Variants in SGCZ observed in about 807,000 individuals in gnomAD.
SGCZ encodes sarcoglycan zeta, also known as zeta-sarcoglycan.
A neutral mutation model predicts 41.3 loss-of-function variants in SGCZ; 40 were observed. That is an observed-to-expected ratio of 0.97 (90% confidence interval 0.75 to 1.26). The LOEUF is 1.26. Ranked by LOEUF, SGCZ falls within the 50% of genes most tolerant of loss-of-function variation. SGCZ has a pLI of 0.00. For synonymous variants in SGCZ, 206 were observed against 137.5 expected (o/e 1.50, Z -3.49); for missense variants, 552 against 369.8 (o/e 1.49, Z -4.04).
chr8:14,667,190 A>C (rs1807937829), intron 1 of SGCZ, among the ~76,000 whole-genome samples: 1 of 152,180 alleles, frequency 6.6e-6, no homozygotes, highest in Non-Finnish European at 1.5e-5. Flanking sequence ...GGCTGAGAGT[A>C]ATGTAAAAGT....
At chr8:14,095,344 C>A (rs1335026637) in intron 7 of SGCZ, among the ~76,000 whole-genome samples, 1 of 152,164 alleles carries the variant, frequency 6.6e-6, no homozygotes, top group African/African-American at 2.4e-5. Context: ...CTGCATATGG[C>A]TAGCCAGTTT....
chr8:14,615,819 G>GA, intron 1 of SGCZ, among the ~76,000 whole-genome samples: 1 of 152,222 alleles, frequency 6.6e-6, no homozygotes, highest in East Asian at 1.9e-4. Context: ...TATAAATATT[G>GA]AACTATTACA....
chr8:14,731,381 G>T (rs766363060), intron 1 of SGCZ, among the ~76,000 whole-genome samples: 2 of 149,738 alleles, frequency 1.3e-5, no homozygotes, highest in East Asian at 2.0e-4. Flanking sequence ...ACTGGGGTCT[G>T]TCAGGGGGTG....
intron 4 of SGCZ, among the ~76,000 whole-genome samples, chr8:14,230,912 G>A (rs1438222925): frequency 1.3e-5 from 2 of 151,804 alleles, no homozygotes; most frequent in African/African-American, 4.8e-5. Flanking sequence ...AAGGAATATA[G>A]TTTCCCTTAA....
chr8:14,670,073 C>G (rs573028782), intron 1 of SGCZ, among the ~76,000 whole-genome samples: 5 of 152,250 alleles, frequency 3.3e-5, no homozygotes, highest in Admixed American at 6.5e-5. Flanking sequence ...CAAATCTATC[C>G]TTAAATTCAA....
intron 1 of SGCZ, chr8:14,879,800 TA>T (rs398067606): frequency 0.054 from 7,759 of 143,496 alleles, 219 homozygotes; most frequent in Non-Finnish European, 0.066. Flanking sequence ...TATTGTAGAT[TA>T]AAAAAAAAAA....
At chr8:14,126,356 C>G (rs965326736) in intron 5 of SGCZ, among the ~76,000 whole-genome samples, 35 of 152,134 alleles carry the variant, frequency 2.3e-4, no homozygotes, top group African/African-American at 8.4e-4. Flanking sequence ...GACATTTATT[C>G]AGCCAACAAA....
chr8:14,570,662 A>T (rs895995507), intron 1 of SGCZ, among the ~76,000 whole-genome samples: 10 of 152,222 alleles, frequency 6.6e-5, no homozygotes, highest in Non-Finnish European at 7.3e-5. Flanking sequence ...CAAGAATTTA[A>T]ATCAGAGAAC....
At chr8:14,156,043 A>G (rs1376821383) in intron 5 of SGCZ, among the ~76,000 whole-genome samples, 1 of 152,206 alleles carries the variant, frequency 6.6e-6, no homozygotes, top group Admixed American at 6.5e-5. Context: ...TCTAGTCCTG[A>G]AGCTTGCAGG....
chr8:15,051,382 A>T (rs1804507475), intron 1 of SGCZ, among the ~76,000 whole-genome samples: 1 of 152,154 alleles, frequency 6.6e-6, no homozygotes, highest in Non-Finnish European at 1.5e-5. Context: ...TATAGAATGA[A>T]TACCACAATT....
chr8:15,002,711 G>A (rs191924377), intron 1 of SGCZ, among the ~76,000 whole-genome samples: 19 of 152,214 alleles, frequency 1.2e-4, no homozygotes, highest in African/African-American at 4.1e-4. Flanking sequence ...TAGAACCACC[G>A]TCACAATAAA....
chr8:14,354,185 C>A (rs10110666), intron 2 of SGCZ, among the ~76,000 whole-genome samples: 12,432 of 151,968 alleles, frequency 0.082, 1,563 homozygotes, highest in African/African-American at 0.27. Context: ...CCAATAAACA[C>A]TGTTAAACTT....
At chr8:14,728,005 C>T (rs1203908556) in intron 1 of SGCZ, among the ~76,000 whole-genome samples, 1 of 152,104 alleles carries the variant, frequency 6.6e-6, no homozygotes, top group Non-Finnish European at 1.5e-5. Context: ...CAAAAGATTA[C>T]CTACTTGATG....
intron 2 of SGCZ, among the ~76,000 whole-genome samples, chr8:14,532,313 C>G (rs1803157141): frequency 6.6e-6 from 1 of 152,038 alleles, no homozygotes; most frequent in African/African-American, 2.4e-5. Flanking sequence ...AGTAAACCTT[C>G]CAGTAAAGCT....
chr8:14,726,322 ATC>A (rs61344955), intron 1 of SGCZ, among the ~76,000 whole-genome samples: 8,460 of 126,726 alleles, frequency 0.067, 785 homozygotes, highest in African/African-American at 0.23. Flanking sequence ...ATATATATAT[ATC>A]TATATATATA....
At chr8:14,586,782 A>G (rs1044085313) in intron 1 of SGCZ, among the ~76,000 whole-genome samples, 4 of 152,138 alleles carry the variant, frequency 2.6e-5, no homozygotes, top group African/African-American at 9.7e-5. Flanking sequence ...CATTATGCAT[A>G]ATATTATTCA....
At chr8:14,203,216 G>A (rs980691982) in intron 4 of SGCZ, among the ~76,000 whole-genome samples, 1 of 152,142 alleles carries the variant, frequency 6.6e-6, no homozygotes, top group Non-Finnish European at 1.5e-5. Flanking sequence ...ATATATTTAG[G>A]TGTGTTTGAA....
At chr8:14,751,205 A>C (rs1045990185) in intron 1 of SGCZ, among the ~76,000 whole-genome samples, 7 of 152,182 alleles carry the variant, frequency 4.6e-5, no homozygotes, top group Non-Finnish European at 1.0e-4. Context: ...TAAGCACATC[A>C]GTGATAAAGA....
intron 1 of SGCZ, among the ~76,000 whole-genome samples, chr8:15,080,868 A>G (rs1805721470): frequency 6.6e-6 from 1 of 152,096 alleles, no homozygotes; most frequent in African/African-American, 2.4e-5. Flanking sequence ...CTGGGATTAC[A>G]GGCATGAGCC....
Sources: gnomAD v4.1 joint callset for allele counts (sites outside exome capture counted in the v4.1 genomes callset) on GRCh38, gnomAD v4.1.1 for gene constraint, MANE v1.5 for transcripts, NCBI Gene and HGNC (gene_info 2026-07-23, HGNC 2026-07-21) for gene names.